Variants in ARHGAP44 observed in about 807,000 individuals in gnomAD.
ARHGAP44 encodes the protein rho GTPase-activating protein 44.
In ARHGAP44, 43 loss-of-function variants were observed where a neutral mutation model predicts 106.8. The observed-to-expected ratio is 0.40, with a 90% CI of 0.32 to 0.52. The LOEUF (loss-of-function observed/expected upper bound fraction) is 0.52. Ranked by LOEUF, ARHGAP44 falls within the 20% of genes least tolerant of loss-of-function variation. The pLI, the probability that ARHGAP44 is intolerant of heterozygous loss-of-function variation, is 0.48. For missense variants in ARHGAP44, 866 were observed against 1,050.5 expected (o/e 0.82, Z 2.43); for synonymous variants, 439 against 410.3 (o/e 1.07, Z -0.85).
At chr17:12,895,279 A>G (rs1018699641) in intron 2 of ARHGAP44, among the ~76,000 whole-genome samples, 3 of 152,206 alleles carry the variant, frequency 2.0e-5, no homozygotes, top group Non-Finnish European at 2.9e-5. Context: ...AGTACTTTGC[A>G]TGATGAATAC....
intron 4 of ARHGAP44, among the ~76,000 whole-genome samples, chr17:12,911,681 G>C (rs2037742642): frequency 6.6e-6 from 1 of 152,154 alleles, no homozygotes; most frequent in Non-Finnish European, 1.5e-5. Context: ...TCCCGCCTGA[G>C]CAGAATTCTC....
chr17:12,884,908 TG>T (rs1288143662), intron 1 of ARHGAP44, among the ~76,000 whole-genome samples: 1 of 152,152 alleles, frequency 6.6e-6, no homozygotes, highest in African/African-American at 2.4e-5. Context: ...TTTGTTTGTT[TG>T]TTTGTTTTTG....
At chr17:12,900,913 C>CTTTTTT (rs3074723) in intron 3 of ARHGAP44, among the ~76,000 whole-genome samples, 1 of 103,614 alleles carries the variant, frequency 9.7e-6, no homozygotes, top group Non-Finnish European at 1.9e-5. Context: ...GAAAGTTTGG[C>CTTTTTT]TTTTTTTTTT....
intron 13 of ARHGAP44, among the ~76,000 whole-genome samples, chr17:12,954,603 C>T (rs1360795580): frequency 1.3e-5 from 2 of 152,072 alleles, no homozygotes; most frequent in South Asian, 2.1e-4. Context: ...ACCGGGCTCA[C>T]GAAGGTGAGC....
At chr17:12,910,942 T>C (rs1262480052) in intron 4 of ARHGAP44, among the ~76,000 whole-genome samples, 1 of 144,336 alleles carries the variant, frequency 6.9e-6, no homozygotes, top group Non-Finnish European at 1.5e-5. Flanking sequence ...AAACTAAGAC[T>C]AACCACAAAA....
rs546048969 is a variant in ARHGAP44 at position 12,980,330 on chromosome 17, A to G, written c.1939+97A>G. The G allele has an allele frequency of 8.2e-6, 11 of 1,343,418 alleles. No homozygotes were observed. The African/African-American group carries it at 1.6e-4, about 20-fold the overall frequency. The allele number at this position is 1,343,418 out of a possible 1,614,324, so 83.2% of individuals were successfully genotyped here. On this transcript the variant is annotated intron_variant, in intron 19 of 20. Coordinates refer to ENST00000379672, the MANE Select transcript of ARHGAP44 (RefSeq NM_014859.6). ...CCTCTATGAACTTGGATATTGAGAA[A>G]CTGTGTGGTTTAGTGACTAATTCCC...
In ARHGAP44 at chr17:12,976,698, A is replaced by AGG. The variant is rs549297839; in HGVS notation, c.1763+2392_1763+2393dup. Reference sequence around the variant, plus strand: ...GGGTTAGATAGTCTTAGAGCATAGGAGGGGGCACCTGACCCTGGGCATGCT... The same window carrying AGG: ...GGGTTAGATAGTCTTAGAGCATAGGAGGGGGGGCACCTGACCCTGGGCATGCT... On this transcript the variant is annotated intron_variant, in intron 18 of 20. Coordinates refer to ENST00000379672, the MANE Select transcript of ARHGAP44 (RefSeq NM_014859.6). 1.1e-3 allele frequency among the ~76,000 whole-genome samples: 174 copies of AGG among 151,440 alleles called. 5 individuals are homozygous for AGG. In the South Asian group the frequency reaches 0.035, roughly 31 times the overall value.
intron 3 of ARHGAP44, among the ~76,000 whole-genome samples, chr17:12,902,084 C>T (rs986493493): frequency 1.3e-5 from 2 of 152,200 alleles, no homozygotes; most frequent in Non-Finnish European, 1.5e-5. Flanking sequence ...AACTCACTCT[C>T]CTGCCTAATC....
chr17:12,872,593 C>T (rs1278811493), intron 1 of ARHGAP44, among the ~76,000 whole-genome samples: 1 of 152,136 alleles, frequency 6.6e-6, no homozygotes, highest in Non-Finnish European at 1.5e-5. Context: ...ATGCTAGCAT[C>T]GATATTGCTG....
chr17:12,929,143 G>A, intron 7 of ARHGAP44, 97 bp downstream of exon 7: 1 of 1,169,182 alleles, frequency 8.6e-7, no homozygotes, highest in Non-Finnish European at 1.2e-6. Context: ...CTCTGTCAGT[G>A]AGGCTCTAGT....
At chr17:12,957,074 T>C (rs2322711) in intron 15 of ARHGAP44, among the ~76,000 whole-genome samples, 13,663 of 151,476 alleles carry the variant, frequency 0.09, 1,488 homozygotes, top group East Asian at 0.53. Context: ...CCTCACCCCC[T>C]CTACCCACTG....
chr17:12,799,149 A>G (rs1597855813), intron 1 of ARHGAP44, among the ~76,000 whole-genome samples: 1 of 152,182 alleles, frequency 6.6e-6, no homozygotes, highest in East Asian at 1.9e-4. Context: ...ATCAGCACAT[A>G]TGTTTTCTAG....
At chr17:12,882,655 G>A (rs1288099090) in intron 1 of ARHGAP44, among the ~76,000 whole-genome samples, 1 of 152,070 alleles carries the variant, frequency 6.6e-6, no homozygotes, top group African/African-American at 2.4e-5. Flanking sequence ...CAACAGACAT[G>A]GAGTTTTATT....
intron 12 of ARHGAP44, among the ~76,000 whole-genome samples, chr17:12,950,316 A>G (rs73978284): frequency 0.17 from 26,453 of 152,066 alleles, 2,555 homozygotes; most frequent in East Asian, 0.4. Flanking sequence ...GTAATAATGA[A>G]CTTAAAGGGA....
intron 1 of ARHGAP44, among the ~76,000 whole-genome samples, chr17:12,796,075 A>T (rs1864890784): frequency 6.6e-6 from 1 of 152,122 alleles, no homozygotes; most frequent in South Asian, 2.1e-4. Context: ...ATCACCTATA[A>T]TCTCATTACC....
At chr17:12,869,251 G>C (rs1310052860) in intron 1 of ARHGAP44, among the ~76,000 whole-genome samples, 1 of 152,028 alleles carries the variant, frequency 6.6e-6, no homozygotes, top group Non-Finnish European at 1.5e-5. Flanking sequence ...TTAGGACGAA[G>C]GAAAAGGTAA....
At chr17:12,806,552 A>G (rs974232337) in intron 1 of ARHGAP44, among the ~76,000 whole-genome samples, 1 of 152,188 alleles carries the variant, frequency 6.6e-6, no homozygotes, top group African/African-American at 2.4e-5. Context: ...GGTTGTGCAG[A>G]TTTGGATTCC....
intron 1 of ARHGAP44, among the ~76,000 whole-genome samples, chr17:12,863,878 TG>T (rs2036162169): frequency 6.6e-6 from 1 of 152,224 alleles, no homozygotes; most frequent in Non-Finnish European, 1.5e-5. Context: ...GCTTAAATGC[TG>T]GGGCTGGTGT....
intron 6 of ARHGAP44, among the ~76,000 whole-genome samples, chr17:12,927,139 A>C (rs541434320): frequency 6.6e-6 from 1 of 151,952 alleles, no homozygotes; most frequent in Admixed American, 6.6e-5. Flanking sequence ...TTTCCTTTCT[A>C]GTTTGCCCTG....
Sources: gnomAD v4.1 joint callset for allele counts (sites outside exome capture counted in the v4.1 genomes callset) on GRCh38, gnomAD v4.1.1 for gene constraint, MANE v1.5 for transcripts, NCBI Gene and HGNC (gene_info 2026-07-23, HGNC 2026-07-21) for gene names.